Variants in CCSER1 observed in about 807,000 individuals in gnomAD.
The protein encoded by CCSER1 is serine-rich coiled-coil domain-containing protein 1.
Under a neutral mutation model 82.0 loss-of-function variants are expected in CCSER1, and 41 were observed. The observed-to-expected ratio is 0.50, with a 90% CI of 0.39 to 0.65. The LOEUF (loss-of-function observed/expected upper bound fraction) is 0.65, where lower values mean the gene tolerates loss of function less well. CCSER1 is among the 30% of genes least tolerant of loss of function. The pLI is 0.00. For missense variants in CCSER1, 1,119 were observed against 1,064.2 expected (o/e 1.05, Z -0.72); for synonymous variants, 414 against 383.9 (o/e 1.08, Z -0.92).
chr4:91,148,017 A>G (rs1284731509), intron 10 of CCSER1, among the ~76,000 whole-genome samples: 1 of 152,242 alleles, frequency 6.6e-6, no homozygotes, highest in African/African-American at 2.4e-5. Context: ...GTATCTACCT[A>G]GAATTCAAGA....
chr4:91,077,860 CTGACATAGAACT>C (rs1444889465), intron 9 of CCSER1, among the ~76,000 whole-genome samples: 13 of 152,222 alleles, frequency 8.5e-5, no homozygotes, highest in African/African-American at 3.1e-4. Context: ...GCACAGCAGT[CTGACATAGAACT>C]GCAAGGTGGC....
At chr4:90,978,059 A>G (rs762281520) in intron 9 of CCSER1, among the ~76,000 whole-genome samples, 1 of 151,566 alleles carries the variant, frequency 6.6e-6, no homozygotes, top group Non-Finnish European at 1.5e-5. Context: ...TTGGCTGGAT[A>G]TTCGTTGATC....
At chr4:90,782,264 A>G (rs1384170728) in intron 7 of CCSER1, among the ~76,000 whole-genome samples, 1 of 152,204 alleles carries the variant, frequency 6.6e-6, no homozygotes, top group Non-Finnish European at 1.5e-5. Context: ...TAAGGAAATA[A>G]AAATCAATTT....
At chr4:90,234,276 G>C (rs1442727308) in intron 1 of CCSER1, among the ~76,000 whole-genome samples, 1 of 151,470 alleles carries the variant, frequency 6.6e-6, no homozygotes, top group East Asian at 1.9e-4. Flanking sequence ...GAGTGTGATG[G>C]CATGATCTCA....
intron 8 of CCSER1, among the ~76,000 whole-genome samples, chr4:90,902,264 C>T (rs1724769727): frequency 6.6e-6 from 1 of 151,654 alleles, no homozygotes; most frequent in African/African-American, 2.4e-5. Flanking sequence ...CCTGGAAATA[C>T]ATATTTTGAA....
chr4:90,567,281 A>G (rs1005332873), intron 5 of CCSER1, among the ~76,000 whole-genome samples: 2 of 143,188 alleles, frequency 1.4e-5, no homozygotes, highest in African/African-American at 5.2e-5. Context: ...TTGATATGTT[A>G]TGTTTCCATT....
intron 3 of CCSER1, among the ~76,000 whole-genome samples, chr4:90,379,465 C>G (rs937097249): frequency 1.3e-5 from 2 of 152,136 alleles, no homozygotes; most frequent in Non-Finnish European, 2.9e-5. Flanking sequence ...CAATGTGAGG[C>G]ACACTTTCAG....
intron 10 of CCSER1, among the ~76,000 whole-genome samples, chr4:91,374,085 A>G (rs1750229146): frequency 6.6e-6 from 1 of 152,170 alleles, no homozygotes; most frequent in Non-Finnish European, 1.5e-5. Context: ...AGGTTTATGA[A>G]AAGACACCAT....
intron 1 of CCSER1, among the ~76,000 whole-genome samples, chr4:90,205,190 C>A (rs758278120): frequency 1.3e-5 from 2 of 152,182 alleles, no homozygotes; most frequent in African/African-American, 4.8e-5. Context: ...TTATTTCTTT[C>A]TCTTGCCTGA....
intron 5 of CCSER1, among the ~76,000 whole-genome samples, chr4:90,470,582 C>A (rs891281553): frequency 2.0e-5 from 3 of 151,966 alleles, no homozygotes; most frequent in Admixed American, 2.0e-4. Context: ...CAAATGATAT[C>A]ATCAAGGGTC....
At chr4:91,589,668 T>C (rs993742206) in intron 10 of CCSER1, among the ~76,000 whole-genome samples, 9 of 151,662 alleles carry the variant, frequency 5.9e-5, no homozygotes, top group African/African-American at 2.2e-4. Flanking sequence ...TCTCCACTCC[T>C]TTCCCTCTAG....
chr4:90,401,339 T>C (rs1369377083), intron 4 of CCSER1, among the ~76,000 whole-genome samples: 3 of 152,184 alleles, frequency 2.0e-5, no homozygotes, highest in Non-Finnish European at 4.4e-5. Flanking sequence ...TCTATGATAC[T>C]GGCAAAAGAC....
At chr4:90,900,816 C>A (rs979234218) in intron 8 of CCSER1, among the ~76,000 whole-genome samples, 1 of 151,702 alleles carries the variant, frequency 6.6e-6, no homozygotes, top group Non-Finnish European at 1.5e-5. Context: ...GTCATTTGGT[C>A]AAGTCTAATT....
chr4:91,491,954 T>G (rs1758568226), intron 10 of CCSER1, among the ~76,000 whole-genome samples: 1 of 151,518 alleles, frequency 6.6e-6, no homozygotes, highest in East Asian at 1.9e-4. Flanking sequence ...AATAGTTTTT[T>G]TTTTTTTTTT....
rs914468579 is a variant in CCSER1, at chr4:90,725,174, C to T, written c.2010+1183C>T. On this transcript the variant is annotated intron_variant, in intron 7 of 10. Transcript: ENST00000509176. ...TGTTACCGTTTTATGGTATATGGAA[C>T]AAATTTACTGAAGAAGCATATCTTT... is the stretch of plus-strand genomic sequence containing the variant. The T allele has an allele frequency of 7.6e-5, 13 of 170,578 alleles. No individual in the cohort carries two copies. In the Admixed American group the frequency reaches 7.9e-4, roughly 10 times the overall value. The allele number at this position is 170,578 out of a possible 1,614,324, so 10.6% of individuals were successfully genotyped here.
intron 9 of CCSER1, among the ~76,000 whole-genome samples, chr4:90,969,233 T>C (rs1734855190): frequency 6.6e-6 from 1 of 151,976 alleles, no homozygotes; most frequent in African/African-American, 2.4e-5. Context: ...AGAGAGCTTA[T>C]TTAAAGATAT....
At chr4:91,301,413 G>A (rs149192654) in intron 10 of CCSER1, among the ~76,000 whole-genome samples, 7 of 151,416 alleles carry the variant, frequency 4.6e-5, no homozygotes, top group Admixed American at 4.6e-4. Flanking sequence ...TATTCCAAGT[G>A]GAAAAAAATG....
chr4:90,131,039 C>A (rs990248385), intron 1 of CCSER1, among the ~76,000 whole-genome samples: 1 of 152,012 alleles, frequency 6.6e-6, no homozygotes, highest in Admixed American at 6.6e-5. Flanking sequence ...TTCTTGTCGC[C>A]CAGGCTGGAG....
At chr4:91,421,739 T>C (rs1206298105) in intron 10 of CCSER1, among the ~76,000 whole-genome samples, 3 of 151,788 alleles carry the variant, frequency 2.0e-5, no homozygotes, top group Non-Finnish European at 2.9e-5. Context: ...ATGGCCGCAC[T>C]GTACACCTTC....
Sources: allele counts gnomAD v4.1 joint callset (sites outside exome capture counted in the v4.1 genomes callset), GRCh38; gene constraint gnomAD v4.1.1; transcripts MANE v1.5; gene names NCBI Gene and HGNC (gene_info 2026-07-23, HGNC 2026-07-21).